Variants in EXOC3L1 observed in about 807,000 individuals in gnomAD.
EXOC3L1 encodes the protein exocyst complex component 3 like 1.
In EXOC3L1, 79 loss-of-function variants were observed where a neutral mutation model predicts 83.6. The observed-to-expected ratio is 0.95, with a 90% CI of 0.79 to 1.14. The LOEUF is 1.14. EXOC3L1 is among the 50% of genes most tolerant of loss of function. EXOC3L1 has a pLI of 0.00. For missense variants in EXOC3L1, 945 were observed against 972.0 expected, an observed-to-expected ratio of 0.97 and a Z score of 0.37; for synonymous variants, 433 against 451.2, an observed-to-expected ratio of 0.96 and a Z score of 0.51.
chr16:67,187,339 G>T lies in EXOC3L1; in HGVS notation c.926C>A (p.Ala309Asp). The T allele has an allele frequency of 6.2e-7, 1 of 1,612,880 alleles. No homozygotes were observed. Among genetic ancestry groups the T allele is most frequent in the Non-Finnish European group, 8.5e-7 (1 of 1,180,004 alleles). ...GCGCAAACCACTATGCAGCGTGTGG[G>T]CCCATAGCTGGACCACGTTGTACTG... ...PPQYNVVQLW[A>D]HTLHSGLRRS... The change falls in exon 5 of 14, where the codon GCC becomes GAC. Residue 309 changes from alanine to aspartate, a missense_variant. Physicochemically the swap from Ala to Asp is moderately radical, Grantham distance 126. Transcript: ENST00000314586.
rs770848821 is a variant in EXOC3L1, at chr16:67,187,860, G to A, written c.428-23C>T. On this transcript the variant is annotated intron_variant, in intron 4 of 13. Transcript: ENST00000314586. ...GCACTAATGAGAGTGAAAAGGAGAC[G>A]GCCCTGGGTCTCAGCCTTCCCACCG... is the stretch of plus-strand genomic sequence containing the variant. 54 of 1,551,184 alleles carry A rather than the reference G, an allele frequency of 3.5e-5. No individual in the cohort carries two copies. The Admixed American group carries it at 6.6e-4, about 19-fold the overall frequency.
rs1289899854 is a variant in EXOC3L1 at position 67,188,826 on chromosome 16, G to A, written c.322C>T (p.Gln108Ter). The A allele has an allele frequency of 4.3e-6, 7 of 1,613,352 alleles. No homozygotes were observed. The highest frequency in any genetic ancestry group is 5.9e-6 in the Non-Finnish European group (7 of 1,180,014). ...GTCTGTAAGGCCTGGGACATGCCCT[G>A]GAGCAACCCACGGGCCTGGCTCAGG... Reference protein sequence around the residue: ...EALSQARGLLQGMSQALQTLE... With the variant: ...EALSQARGLL Residue 108 changes from glutamine to a stop codon, truncating the protein, a stop_gained, in exon 4 of 14, where the codon CAG (glutamine) becomes TAG (stop). Coordinates refer to ENST00000314586, the MANE Select transcript of EXOC3L1 (RefSeq NM_178516.4). LOFTEE classifies it high-confidence loss of function.
chr16:67,187,322 C>T lies in EXOC3L1; in HGVS notation c.943G>A (p.Gly315Ser). The change falls in exon 5 of 14, where the codon GGT (glycine) becomes AGT (serine). Residue 315 changes from glycine to serine, a missense_variant. Transcript: ENST00000314586. Reference sequence around the variant, plus strand: ...AGGTTCTGCAGGCTGCGGCGCAAACCACTATGCAGCGTGTGGGCCCATAGC... The same window carrying T: ...AGGTTCTGCAGGCTGCGGCGCAAACTACTATGCAGCGTGTGGGCCCATAGC... ...VQLWAHTLHS[G>S]LRRSLQNLLA... 6.2e-7 allele frequency: 1 copy of T among 1,613,002 alleles called. No homozygotes were observed. Among genetic ancestry groups the T allele is most frequent in the Middle Eastern group, 1.6e-4 (1 of 6,062 alleles).
Position 67,184,815 on chromosome 16 carries a change from G to C in EXOC3L1, c.1906-5C>G. On this transcript the variant is annotated splice_polypyrimidine_tract_variant and splice_region_variant and intron_variant, in intron 12 of 13. Transcript: ENST00000314586. ...GTGCGCGTTCTCCTCCAGGCCCTGA[G>C]CACGTCGGGGTAGGGTCTCGCGCCA... 1 of 1,603,730 alleles carries C rather than the reference G, an allele frequency of 6.2e-7. No homozygotes were observed.
At position 67,186,597 on chromosome 16, in the gene EXOC3L1, G is replaced by A. The variant is rs754853688; in HGVS notation, c.1345C>T (p.His449Tyr). The change falls in exon 8 of 14, where the codon CAT becomes TAT. Residue 449 changes from histidine to tyrosine, a missense_variant. His to Tyr is a moderately conservative substitution (Grantham distance 83). Coordinates refer to ENST00000314586, the MANE Select transcript of EXOC3L1 (RefSeq NM_178516.4). ...LVSESLQQRV[H>Y]GMALSELGTF... ...CCCAGTTCTGACAGTGCCATGCCAT[G>A]CACTCGCTGTTGCAGTGACTCACTG... 4 of 1,614,114 alleles carry A rather than the reference G, an allele frequency of 2.5e-6. No individual in the cohort carries two copies. The highest frequency in any genetic ancestry group is 3.4e-6 in the Non-Finnish European group (4 of 1,179,974).
In EXOC3L1 at chr16:67,189,672, T is replaced by C. The variant is rs1248445046; in HGVS notation, c.5A>G (p.Asp2Gly). 3 of 1,613,872 alleles carry C rather than the reference T, an allele frequency of 1.9e-6. No homozygotes were observed. In the African/African-American group the frequency reaches 4.0e-5, roughly 22 times the overall value. ...CTGCATCTCATCCTTGGCTGCTGAG[T>C]CCATTGTGGGCCTGGAGGAGCCAGA... M[D>G]SAAKDEMQPA... Residue 2 changes from aspartate (D) to glycine (G), a missense_variant, in exon 2 of 14, where the codon GAC (aspartate) becomes GGC (glycine). By Grantham distance (94) the Asp-to-Gly change is moderately conservative. Transcript: ENST00000314586.
At chr16:67,185,331 G>A in intron 10 of EXOC3L1, 30 bp downstream of exon 10, 1 of 1,612,824 alleles carries the variant, frequency 6.2e-7, no homozygotes, top group Non-Finnish European at 8.5e-7. Flanking sequence ...CTCTCCACCT[G>A]CTCCCATCCT....
rs751958003 is a variant in EXOC3L1 at position 67,184,793 on chromosome 16, C to A, written c.1923G>T (p.Ala641=). The A allele has an allele frequency of 6.2e-7, 1 of 1,601,112 alleles. No individual in the cohort carries two copies. The highest frequency in any genetic ancestry group is 8.5e-7 in the Non-Finnish European group (1 of 1,178,816). The change falls in exon 13 of 14, where the codon GCG becomes GCT. Residue 641 remains alanine (A), a synonymous_variant. Coordinates refer to ENST00000314586, the MANE Select transcript of EXOC3L1 (RefSeq NM_178516.4). The stretch of plus-strand genomic sequence containing the variant: ...GGGCGAGCAGCACCGGCGCGCAGTG[C>A]GCGTTCTCCTCCAGGCCCTGAGCAC... The part of the protein sequence containing the change: ...LFLSLGLEEN[A]HCAPVLLALR...
In EXOC3L1 at chr16:67,189,048, C is replaced by T. The variant is rs182198466; in HGVS notation, c.179G>A (p.Arg60His). Residue 60 changes from arginine (R) to histidine (H), a missense_variant, in exon 3 of 14, where the codon CGT (arginine) becomes CAT (histidine). Transcript: ENST00000314586. ...LGQYRSREVQ[R>H]TCSLESRLKS... ...GAGGCGCGATTCCAGGGAGCAGGTA[C>T]GCTGCACCTCGCGGCTGCGGTACTG... 1.2e-4 allele frequency: 190 copies of T among 1,607,146 alleles called. No individual in the cohort carries two copies. Among genetic ancestry groups the T allele is most frequent in the African/African-American group, 7.3e-4 (55 of 74,954 alleles).
chr16:67,189,030 G>T lies in EXOC3L1; in HGVS notation c.197C>A (p.Ser66Ter). 6.2e-7 allele frequency: 1 copy of T among 1,604,400 alleles called. No homozygotes were observed. Among genetic ancestry groups the T allele is most frequent in the South Asian group, 1.1e-5 (1 of 90,728 alleles). Reference sequence around the variant, plus strand: ...CTGCCCCATGCCCACCTTGAGGCGCGATTCCAGGGAGCAGGTACGCTGCAC... The same window carrying T: ...CTGCCCCATGCCCACCTTGAGGCGCTATTCCAGGGAGCAGGTACGCTGCAC... Reference protein sequence around the residue: ...REVQRTCSLESRLKSVMQSYL... With the variant: ...REVQRTCSLE Residue 66 changes from serine to a stop codon, truncating the protein, a stop_gained, in exon 3 of 14, where the codon TCG becomes TAG. Coordinates refer to ENST00000314586, the MANE Select transcript of EXOC3L1 (RefSeq NM_178516.4). LOFTEE classifies it high-confidence loss of function.
Position 67,187,038 on chromosome 16 carries a change from A to ATGTTGCCTCCAGC in EXOC3L1, c.1128_1140dup (p.Phe381AlafsTer27). ...CTACTCACCTGGATGTTGGCCACAA[A>ATGTTGCCTCCAGC]TGTTGCCTCCAGCTGCTCAATGTTC... On this transcript the variant is annotated frameshift_variant, in exon 6 of 14. Transcript: ENST00000314586. LOFTEE classifies it high-confidence loss of function. 6.2e-7 allele frequency: 1 copy of ATGTTGCCTCCAGC among 1,613,648 alleles called. No individual in the cohort carries two copies. Among genetic ancestry groups the ATGTTGCCTCCAGC allele is most frequent in the Non-Finnish European group, 8.5e-7 (1 of 1,180,000 alleles).
Position 67,186,281 on chromosome 16 carries a change from G to T in EXOC3L1, c.1452C>A (p.Tyr484Ter). 6.3e-7 allele frequency: 1 copy of T among 1,578,890 alleles called. No homozygotes were observed. The highest frequency in any genetic ancestry group is 8.6e-7 in the Non-Finnish European group (1 of 1,161,400). The change falls in exon 9 of 14, where the codon TAC becomes TAA. Residue 484 changes from tyrosine to a stop codon, truncating the protein, a stop_gained. Transcript: ENST00000314586. LOFTEE classifies it high-confidence loss of function. ...TGAGGGCGGCCAGTAGGTAGGGCAC[G>T]TAATGAGGGGCCATTGATTTCCCCC... ...HFRGKSMAPH[Y>*]VPYLLAALNH...
In EXOC3L1 at chr16:67,187,564, G is replaced by A. The variant is rs940787237; in HGVS notation, c.701C>T (p.Thr234Ile). 6.2e-7 allele frequency: 1 copy of A among 1,603,962 alleles called. No individual in the cohort carries two copies. Among genetic ancestry groups the A allele is most frequent in the Admixed American group, 1.7e-5 (1 of 59,906 alleles). ...CCGGGGGACCTGGCCCAGGGGGGTT[G>A]TTCGTCCAGTCTCCACCTCCGCCAC... is the stretch of plus-strand genomic sequence containing the variant. ...VRVAEVETGR[T>I]TPLGQVPRDW... The change falls in exon 5 of 14, where the codon ACA becomes ATA. Residue 234 changes from threonine to isoleucine, a missense_variant. By Grantham distance (89) the Thr-to-Ile change is moderately conservative. Coordinates refer to ENST00000314586, the MANE Select transcript of EXOC3L1 (RefSeq NM_178516.4).
chr16:67,187,923 C>G, intron 4 of EXOC3L1, 86 bp from the exon 5 acceptor site: 3 of 1,466,838 alleles, frequency 2.0e-6, no homozygotes, highest in Non-Finnish European at 2.7e-6. Context: ...AGGCCCAGGG[C>G]GGGGGTGATG....
chr16:67,187,725 CA>C lies in EXOC3L1; in HGVS notation c.539del (p.Leu180ArgfsTer70). 2 of 1,613,074 alleles carry C rather than the reference CA, an allele frequency of 1.2e-6. No individual in the cohort carries two copies. Among genetic ancestry groups the C allele is most frequent in the Non-Finnish European group, 1.7e-6 (2 of 1,180,014 alleles). ...GGAAGACTGGCAACTCCAGGCCCCC[CA>C]GGGGTGCCCACGTATCCTCTCGCAG... ...EQLREDTWAP[L>X]GGLELPVFQG... On this transcript the variant is annotated frameshift_variant, in exon 5 of 14. Coordinates refer to ENST00000314586, the MANE Select transcript of EXOC3L1 (RefSeq NM_178516.4). LOFTEE classifies it high-confidence loss of function.
At chr16:67,185,979 G>C (rs116152273) in intron 9 of EXOC3L1, among the ~76,000 whole-genome samples, 1 of 152,094 alleles carries the variant, frequency 6.6e-6, no homozygotes, top group Non-Finnish European at 1.5e-5. Context: ...CACTATGGTG[G>C]CCACTTTACA....
chr16:67,184,746 C>A lies in EXOC3L1; in HGVS notation c.1970G>T (p.Arg657Leu). The change falls in exon 13 of 14, where the codon CGC (arginine) becomes CTC (leucine). Residue 657 changes from arginine to leucine, a missense_variant. Physicochemically the swap from Arg to Leu is moderately radical, Grantham distance 102. Transcript: ENST00000314586. ...LLALRELLNL[R>L]DPALLGLEVA... ...CTCCAGGCCCAGCAGCGCGGGGTCG[C>A]GGAGGTTTAGCAGCTCCCTCAGGGC... The A allele has an allele frequency of 6.3e-7, 1 of 1,588,776 alleles. No homozygotes were observed.
intron 7 of EXOC3L1, 47 bp downstream of exon 7, chr16:67,186,712 C>T (rs768188480): frequency 2.9e-5 from 46 of 1,613,356 alleles, no homozygotes; most frequent in Non-Finnish European, 3.6e-5. Context: ...CTCTCCTCCC[C>T]ACTGCCCCAT....
chr16:67,184,672 C>A lies in EXOC3L1; in HGVS notation c.2030+14G>T. On this transcript the variant is annotated intron_variant, in intron 13 of 13. Coordinates refer to ENST00000314586, the MANE Select transcript of EXOC3L1 (RefSeq NM_178516.4). ...CCCTCCGGCTTCTCTTCCCTTCTGG[C>A]CCCCAGTCCGCACCTCACGTCGGGA... 6.3e-7 allele frequency: 1 copy of A among 1,577,238 alleles called. No individual in the cohort carries two copies. The highest frequency in any genetic ancestry group is 1.1e-5 in the South Asian group (1 of 88,282).
Sources: allele counts gnomAD v4.1 joint callset (sites outside exome capture counted in the v4.1 genomes callset), GRCh38; gene constraint gnomAD v4.1.1; transcripts MANE v1.5; gene names NCBI Gene and HGNC (gene_info 2026-07-23, HGNC 2026-07-21).